The following TBC1D9 variants were observed in gnomAD, a reference collection of about 807,000 sequenced individuals.
The protein encoded by TBC1D9 is TBC1 domain family member 9.
TBC1D9 carries 63 observed loss-of-function variants against 132.0 expected under a neutral mutation model. The ratio of observed to expected loss-of-function variants is 0.48; its 90% confidence interval spans 0.39 to 0.59. The LOEUF (loss-of-function observed/expected upper bound fraction) is 0.59. Ranked by LOEUF, TBC1D9 falls within the 20% of genes least tolerant of loss-of-function variation. The pLI is 0.00. For missense variants in TBC1D9, 1,261 were observed against 1,592.7 expected (o/e 0.79, Z 3.54); for synonymous variants, 610 against 609.9 (o/e 1.00, Z 0.00).
chr4:140,729,085 CT>C (rs1207738721), intron 1 of TBC1D9, among the ~76,000 whole-genome samples: 2 of 152,290 alleles, frequency 1.3e-5, no homozygotes, highest in African/African-American at 4.8e-5. Flanking sequence ...TCTTCTTACT[CT>C]TTCCTGTTTT....
rs113321505 is a variant in TBC1D9 at position 140,675,243 on chromosome 4, A to G, written c.1059+1651T>C. 6.4e-4 allele frequency among the ~76,000 whole-genome samples: 97 copies of G among 152,216 alleles called. 1 individual carries two copies. The highest frequency in any genetic ancestry group is 2.2e-3 in the African/African-American group (93 of 41,554). On this transcript the variant is annotated intron_variant, in intron 6 of 20. Transcript: ENST00000442267. ...CTCTTTATTTGTCTGTATTTTACAA[A>G]TTCTGGGATAAAGATATATTACTCT...
intron 3 of TBC1D9, among the ~76,000 whole-genome samples, chr4:140,684,150 C>A (rs1440271484): frequency 6.6e-6 from 1 of 151,746 alleles, no homozygotes; most frequent in Middle Eastern, 3.2e-3. Flanking sequence ...GCCTGTACTT[C>A]CAGCACTTTG....
intron 16 of TBC1D9, among the ~76,000 whole-genome samples, chr4:140,630,404 C>A (rs1041182699): frequency 3.9e-5 from 6 of 152,186 alleles, no homozygotes; most frequent in Non-Finnish European, 7.3e-5. Flanking sequence ...TGACTGAAGA[C>A]AAAGAAGTTC....
In TBC1D9 at chr4:140,670,850, G is replaced by A; in HGVS notation, c.1136C>T (p.Thr379Ile). The change falls in exon 7 of 21, where the codon ACC becomes ATC. Residue 379 changes from threonine to isoleucine, a missense_variant. Transcript: ENST00000442267. ...PLSISTRNRM[T>I]FLFANLKDRD... is the part of the protein sequence containing the mutation. ...ATCTTTCAAGTTGGCAAATAGGAAG[G>A]TCATCCTGTTTCGGGTGCTGATGGA... is the stretch of plus-strand genomic sequence containing the variant. 3 of 1,613,974 alleles carry A rather than the reference G, an allele frequency of 1.9e-6. No homozygotes were observed. Among genetic ancestry groups the A allele is most frequent in the Non-Finnish European group, 2.5e-6 (3 of 1,179,874 alleles).
chr4:140,662,151 C>T (rs746152439), intron 9 of TBC1D9, 44 bp from the exon 10 acceptor site: 1 of 1,530,842 alleles, frequency 6.5e-7, no homozygotes, highest in South Asian at 1.1e-5. Context: ...CGTGAGAGCT[C>T]TGCCTTTTGG....
chr4:140,682,893 T>C (rs1737727418), intron 3 of TBC1D9, among the ~76,000 whole-genome samples: 1 of 152,134 alleles, frequency 6.6e-6, no homozygotes, highest in South Asian at 2.1e-4. Flanking sequence ...TTTATTTATT[T>C]ATTTATTTTC....
intron 16 of TBC1D9, 55 bp downstream of exon 16, chr4:140,633,893 C>T: frequency 1.3e-6 from 2 of 1,598,400 alleles, no homozygotes; most frequent in Non-Finnish European, 8.5e-7. Context: ...ATGGGCAACA[C>T]TAGGCACAAC....
At chr4:140,642,583 G>A in intron 13 of TBC1D9, 2 of 940,952 alleles carry the variant, frequency 2.1e-6, no homozygotes, top group Non-Finnish European at 3.4e-6. Flanking sequence ...ACTGCTCCTG[G>A]TCGCTGTCCA....
intron 1 of TBC1D9, among the ~76,000 whole-genome samples, chr4:140,720,759 C>A (rs978790581): frequency 6.6e-6 from 1 of 152,188 alleles, no homozygotes; most frequent in African/African-American, 2.4e-5. Flanking sequence ...GGAGGAGTAA[C>A]CTTTGAAGAG....
Position 140,634,122 on chromosome 4 carries a change from G to A in TBC1D9, c.2572C>T (p.Leu858=), listed in dbSNP as rs1009055182. ...ATGCGATACTGTTCCAGGTAGGGCA[G>A]GCTGGGGTCATGCCGGTCCAGCGCG... The part of the protein sequence containing the change: ...SNALDRHDPS[L]PYLEQYRIDF... Residue 858 remains leucine, a synonymous_variant, in exon 16 of 21, where the codon CTG becomes TTG. Coordinates refer to ENST00000442267, the MANE Select transcript of TBC1D9 (RefSeq NM_015130.3). 6.2e-7 allele frequency: 1 copy of A among 1,614,016 alleles called. No homozygotes were observed. Among genetic ancestry groups the A allele is most frequent in the East Asian group, 2.2e-5 (1 of 44,882 alleles).
At position 140,679,163 on chromosome 4, in the gene TBC1D9, C is replaced by T; in HGVS notation, c.630G>A (p.Glu210=). The T allele has an allele frequency of 6.2e-7, 1 of 1,613,888 alleles. No homozygotes were observed. Among genetic ancestry groups the T allele is most frequent in the South Asian group, 1.1e-5 (1 of 91,076 alleles). The change falls in exon 5 of 21, where the codon GAG becomes GAA. Residue 210 remains glutamate (E), a synonymous_variant. Coordinates refer to ENST00000442267, the MANE Select transcript of TBC1D9 (RefSeq NM_015130.3). ...VIRWVDITQL[E]KNATLLLPDV... Reference sequence around the variant, plus strand: ...CAGGCAGAAGCAGGGTGGCATTCTTCTCAAGCTGAGTGATGTCTACCCACC... The same window carrying T: ...CAGGCAGAAGCAGGGTGGCATTCTTTTCAAGCTGAGTGATGTCTACCCACC...
At chr4:140,623,009 G>C (rs952975853) in intron 20 of TBC1D9, 92 bp from the exon 21 acceptor site, 1 of 1,395,630 alleles carries the variant, frequency 7.2e-7, no homozygotes, top group African/African-American at 1.5e-5. Context: ...AAATGAGAAC[G>C]CCTAAAGATC....
chr4:140,631,991 G>A (rs1181096397), intron 16 of TBC1D9, among the ~76,000 whole-genome samples: 1 of 152,140 alleles, frequency 6.6e-6, no homozygotes, highest in Admixed American at 6.5e-5. Context: ...ACTGACAACA[G>A]CTCTGCAACC....
At chr4:140,657,424 G>C (rs752732761) in intron 12 of TBC1D9, 103 bp downstream of exon 12, 1 of 1,355,782 alleles carries the variant, frequency 7.4e-7, no homozygotes, top group Non-Finnish European at 1.0e-6. Context: ...AGGAAGAAGC[G>C]GGCATTATGA....
chr4:140,713,814 T>C (rs1251279247), intron 1 of TBC1D9, among the ~76,000 whole-genome samples: 2 of 152,080 alleles, frequency 1.3e-5, no homozygotes, highest in East Asian at 1.9e-4. Flanking sequence ...CTATAAAACA[T>C]TGTACTTTTA....
In TBC1D9 at chr4:140,625,201, C is replaced by T. The variant is rs760898603; in HGVS notation, c.2900-813G>A. ...TATGAGACAGATTTTTTTTGCCAGA[C>T]CCTGCAAAAGATCCAGAACTCACTC... On this transcript the variant is annotated intron_variant, in intron 18 of 20. Transcript: ENST00000442267. 3.9e-5 allele frequency among the ~76,000 whole-genome samples: 6 copies of T among 152,048 alleles called. No homozygotes were observed. The South Asian group carries it at 8.3e-4, about 21-fold the overall frequency.
At chr4:140,643,253 C>T (rs1737038727) in intron 13 of TBC1D9, 1 of 1,311,060 alleles carries the variant, frequency 7.6e-7, no homozygotes, top group Non-Finnish European at 1.1e-6. Flanking sequence ...CCAGCTCCAG[C>T]TCTGCGATCT....
intron 1 of TBC1D9, among the ~76,000 whole-genome samples, chr4:140,752,099 A>C (rs1440295034): frequency 1.3e-5 from 2 of 152,212 alleles, no homozygotes; most frequent in South Asian, 2.1e-4. Flanking sequence ...GCCCACAGGC[A>C]CCAAGAAACA....
At chr4:140,686,505 A>G in intron 2 of TBC1D9, 43 bp from the exon 3 acceptor site, 1 of 1,286,314 alleles carries the variant, frequency 7.8e-7, no homozygotes, top group Non-Finnish European at 1.1e-6. Flanking sequence ...TTTCATGCCA[A>G]AGATATTTTA....
Sources: allele counts gnomAD v4.1 joint callset (sites outside exome capture counted in the v4.1 genomes callset), GRCh38; gene constraint gnomAD v4.1.1; transcripts MANE v1.5; gene names NCBI Gene and HGNC (gene_info 2026-07-23, HGNC 2026-07-21).